RPN1: variants seen among roughly 807,000 people sequenced by gnomAD.
The protein encoded by RPN1 is dolichyl-diphosphooligosaccharide--protein glycosyltransferase subunit 1.
A neutral mutation model predicts 55.5 loss-of-function variants in RPN1; 12 were observed. The ratio of observed to expected loss-of-function variants is 0.22; its 90% confidence interval spans 0.14 to 0.35. The LOEUF (loss-of-function observed/expected upper bound fraction) is 0.35. Ranked by LOEUF, RPN1 falls within the 10% of genes least tolerant of loss-of-function variation. RPN1 has a pLI of 1.00. For synonymous variants in RPN1, 317 were observed against 305.9 expected (o/e 1.04, Z -0.38); for missense variants, 679 against 761.3 (o/e 0.89, Z 1.27).
At chr3:128,623,924 C>G (rs1459705936) in intron 8 of RPN1, among the ~76,000 whole-genome samples, 1 of 152,012 alleles carries the variant, frequency 6.6e-6, no homozygotes, top group Non-Finnish European at 1.5e-5. Context: ...CACACATGCT[C>G]AACTATTCAA....
rs552831968 is a variant in RPN1, at chr3:128,644,944, G to A, written c.301C>T (p.Arg101Cys). 36 of 1,574,196 alleles carry A rather than the reference G, an allele frequency of 2.3e-5. No homozygotes were observed. Among genetic ancestry groups the A allele is most frequent in the Middle Eastern group, 1.7e-4 (1 of 6,008 alleles). ...CTTTTACCCTTAATTTTGGTTTCACGTACTTCCAAATTGTTCTCTTCCTCA... is the reference window on the plus strand; with the variant it reads ...CTTTTACCCTTAATTTTGGTTTCACATACTTCCAAATTGTTCTCTTCCTCA... ...EDEEENNLEV[R>C]ETKIKGKSGR... Residue 101 changes from arginine to cysteine, a missense_variant, in exon 2 of 10, where the codon CGT becomes TGT. Physicochemically the swap from Arg to Cys is radical, Grantham distance 180 (BLOSUM62 -3). Transcript: ENST00000296255.
intron 2 of RPN1, 70 bp from the exon 3 acceptor site, chr3:128,638,175 G>A (rs1168859893): frequency 8.3e-7 from 1 of 1,206,962 alleles, no homozygotes; most frequent in Non-Finnish European, 1.2e-6. Flanking sequence ...GCAGTTCAAA[G>A]TCACAACAAA....
At chr3:128,641,425 C>A (rs1042438292) in intron 2 of RPN1, among the ~76,000 whole-genome samples, 13 of 152,064 alleles carry the variant, frequency 8.5e-5, no homozygotes, top group African/African-American at 3.1e-4. Flanking sequence ...TTCCTCTGAG[C>A]AAGAGCCACT....
intron 8 of RPN1, among the ~76,000 whole-genome samples, chr3:128,624,341 G>A (rs924703757): frequency 3.3e-5 from 5 of 152,058 alleles, no homozygotes; most frequent in Non-Finnish European, 7.4e-5. Flanking sequence ...TTAGCCGGGC[G>A]TGGTGGCACG....
chr3:128,634,824 G>A (rs1439187853), intron 3 of RPN1, among the ~76,000 whole-genome samples: 3 of 152,010 alleles, frequency 2.0e-5, no homozygotes, highest in Non-Finnish European at 4.4e-5. Context: ...GCCTCCTAAA[G>A]TGCCAGGGTT....
chr3:128,645,755 T>C (rs1271755206), intron 1 of RPN1, among the ~76,000 whole-genome samples: 1 of 152,058 alleles, frequency 6.6e-6, no homozygotes, highest in Non-Finnish European at 1.5e-5. Flanking sequence ...AGGCAGAGGT[T>C]GCAGTGAGCC....
intron 3 of RPN1, 28 bp downstream of exon 3, chr3:128,637,771 G>A (rs773221898): frequency 1.9e-6 from 3 of 1,600,262 alleles, no homozygotes; most frequent in Non-Finnish European, 2.6e-6. Context: ...AAGCAGACAG[G>A]GATGGGCTGG....
chr3:128,626,371 G>A (rs1439090372), intron 6 of RPN1, among the ~76,000 whole-genome samples: 5 of 152,176 alleles, frequency 3.3e-5, no homozygotes, highest in Non-Finnish European at 7.4e-5. Context: ...CTCACGAGCT[G>A]TTCTGAATGT....
chr3:128,626,675 TACC>T, intron 6 of RPN1, 55 bp downstream of exon 6: 1 of 1,464,490 alleles, frequency 6.8e-7, no homozygotes, highest in South Asian at 1.1e-5. Flanking sequence ...CTCCTTAGGG[TACC>T]ACAAGGGTAC....
intron 3 of RPN1, among the ~76,000 whole-genome samples, chr3:128,633,504 G>C (rs1392567552): frequency 1.3e-5 from 2 of 152,076 alleles, no homozygotes; most frequent in Non-Finnish European, 2.9e-5. Flanking sequence ...ATAAGCCACT[G>C]TGCCCAACCA....
chr3:128,644,581 G>T, intron 2 of RPN1: 1 of 492,732 alleles, frequency 2.0e-6, no homozygotes. Context: ...GACGGTTTGA[G>T]CCCTGGAGGT....
chr3:128,632,496 T>C (rs1347272391), intron 3 of RPN1, among the ~76,000 whole-genome samples: 1 of 152,172 alleles, frequency 6.6e-6, no homozygotes, highest in Non-Finnish European at 1.5e-5. Context: ...CTTATCCCCA[T>C]TTGACAAATA....
intron 2 of RPN1, among the ~76,000 whole-genome samples, chr3:128,641,858 G>A (rs1161376876): frequency 1.3e-5 from 2 of 152,074 alleles, no homozygotes; most frequent in Non-Finnish European, 2.9e-5. Context: ...TGATCTGCCT[G>A]CCTCGGCCTC....
At chr3:128,634,563 C>T (rs914499500) in intron 3 of RPN1, among the ~76,000 whole-genome samples, 99 of 135,646 alleles carry the variant, frequency 7.3e-4, no homozygotes, top group African/African-American at 2.6e-3. Flanking sequence ...CTCCATAAAC[C>T]TTTTTTTTTT....
At chr3:128,623,434 G>A (rs1353037344) in intron 8 of RPN1, among the ~76,000 whole-genome samples, 1 of 152,116 alleles carries the variant, frequency 6.6e-6, no homozygotes, top group African/African-American at 2.4e-5. Context: ...GCTACTCAGG[G>A]AGCTGAGATG....
At chr3:128,622,498 C>G in intron 8 of RPN1, 89 bp from the exon 9 acceptor site, 1 of 1,527,886 alleles carries the variant, frequency 6.5e-7, no homozygotes, top group African/African-American at 1.4e-5. Context: ...CCACCAGCAG[C>G]CATCCAAAAA....
In RPN1 at chr3:128,620,203, TTTC is replaced by T. The variant is rs2069547986; in HGVS notation, c.*205_*207del. 2.6e-6 allele frequency: 1 copy of T among 392,112 alleles called. No individual in the cohort carries two copies. Among genetic ancestry groups the T allele is most frequent in the Non-Finnish European group, 4.5e-6 (1 of 223,538 alleles). The allele number at this position is 392,112 out of a possible 1,614,324, so 24.3% of individuals were successfully genotyped here. On this transcript the variant is annotated 3_prime_UTR_variant, in exon 10 of 10. Transcript: ENST00000296255. ...TTTTTAATGGGAGTTTTTTTAAAGT[TTTC>T]TTTTTTTAAAAAAAAAAAAAAAGAA...
chr3:128,649,856 T>C (rs949293017), intron 1 of RPN1, among the ~76,000 whole-genome samples: 1 of 152,188 alleles, frequency 6.6e-6, no homozygotes, highest in African/African-American at 2.4e-5. Context: ...TGCAGGAGTT[T>C]TAAAACTAAC....
intron 4 of RPN1, 46 bp from the exon 5 acceptor site, chr3:128,630,189 G>T: frequency 1.5e-6 from 2 of 1,341,132 alleles, no homozygotes; most frequent in South Asian, 2.5e-5. Context: ...GGAACCAGCT[G>T]AGAGGAAATG....
Sources: allele counts gnomAD v4.1 joint callset (sites outside exome capture counted in the v4.1 genomes callset), GRCh38; gene constraint gnomAD v4.1.1; transcripts MANE v1.5; gene names NCBI Gene and HGNC (gene_info 2026-07-23, HGNC 2026-07-21).